KLHL25: variants seen among roughly 807,000 people sequenced by gnomAD.
KLHL25 encodes kelch-like protein 25.
A neutral mutation model predicts 30.0 loss-of-function variants in KLHL25; 41 were observed. The ratio of observed to expected loss-of-function variants is 1.37; its 90% CI spans 1.07 to 1.78. KLHL25 has a LOEUF of 1.78. Ranked by LOEUF, KLHL25 falls within the 40% of genes most tolerant of loss-of-function variation. The probability of loss-of-function intolerance (pLI) is 0.00; values close to 1 mark genes in which losing one functional copy is unlikely to be tolerated. For missense variants in KLHL25, 971 were observed against 824.5 expected, an observed-to-expected ratio of 1.18 and a Z score of -2.18; for synonymous variants, 399 against 355.3, an observed-to-expected ratio of 1.12 and a Z score of -1.38.
intron 1 of KLHL25, among the ~76,000 whole-genome samples, chr15:85,776,793 C>T (rs1567241089): frequency 6.6e-6 from 1 of 151,648 alleles, no homozygotes; most frequent in Admixed American, 6.6e-5. Context: ...GGTGTGGTGG[C>T]GGGTGCCTAT....
intron 1 of KLHL25, among the ~76,000 whole-genome samples, chr15:85,791,482 G>A (rs977218345): frequency 6.6e-5 from 10 of 152,174 alleles, no homozygotes; most frequent in African/African-American, 1.2e-4. Flanking sequence ...GCGACAGAGC[G>A]AGACTCCTTC....
chr15:85,769,267 TCTG>T lies in KLHL25; in HGVS notation c.541_543del (p.Gln181del). Reference sequence around the variant, plus strand: ...TTGGACAGGCTGTTGAAGTCCTCGCTCTGCCTCACCGTCTCAAAGTGCACCAGG... The same window carrying T: ...TTGGACAGGCTGTTGAAGTCCTCGCTCCTCACCGTCTCAAAGTGCACCAGG... On this transcript the variant is annotated inframe_deletion, in exon 2 of 3. Transcript: ENST00000337975. 6.2e-7 allele frequency: 1 copy of T among 1,613,928 alleles called. No individual in the cohort carries two copies. The highest frequency in any genetic ancestry group is 1.1e-5 in the South Asian group (1 of 91,080).
chr15:85,791,646 A>G (rs2089817876), intron 1 of KLHL25, among the ~76,000 whole-genome samples: 1 of 151,354 alleles, frequency 6.6e-6, no homozygotes, highest in South Asian at 2.1e-4. Context: ...CTGGGGACTC[A>G]GGGGAGGGCT....
chr15:85,780,252 C>T (rs959791616), intron 1 of KLHL25, among the ~76,000 whole-genome samples: 3 of 152,238 alleles, frequency 2.0e-5, no homozygotes, highest in Non-Finnish European at 2.9e-5. Flanking sequence ...GCTGTCACCA[C>T]AGAGGGGACA....
intron 1 of KLHL25, among the ~76,000 whole-genome samples, chr15:85,783,694 TAAAA>T (rs34688793): frequency 7.9e-4 from 108 of 136,398 alleles, no homozygotes; most frequent in Middle Eastern, 3.6e-3. Flanking sequence ...TCCACCTCAA[TAAAA>T]AAAAAAAAAA....
At position 85,768,127 on chromosome 15, in the gene KLHL25, A is replaced by C; in HGVS notation, c.1684T>G (p.Ser562Ala). The change falls in exon 2 of 3, where the codon TCA becomes GCA. Residue 562 changes from serine to alanine, a missense_variant. Transcript: ENST00000337975. ...GTGGTGATGCAGTTCCATGTATCTG[A>C]AGTGGGGTCATAGCAGTCCAGAGTC... is the stretch of plus-strand genomic sequence containing the variant. Reference protein sequence around the residue: ...CKTLDCYDPTSDTWNCITTVP... With the variant: ...CKTLDCYDPTADTWNCITTVP... 1.2e-6 allele frequency: 2 copies of C among 1,614,218 alleles called. No individual in the cohort carries two copies. Among genetic ancestry groups the C allele is most frequent in the Non-Finnish European group, 1.7e-6 (2 of 1,180,030 alleles).
In KLHL25 at chr15:85,769,693, G is replaced by A. The variant is rs772155808; in HGVS notation, c.118C>T (p.Arg40Cys). ...DCVLAHLNTL[R>C]KHCMFTDVTL... is the part of the protein sequence containing the mutation. ...ACGTCGGTGAACATGCAGTGCTTGC[G>A]AAGCGTGTTGAGGTGGGCCAGCACA... The change falls in exon 2 of 3, where the codon CGC (arginine) becomes TGC (cysteine). Residue 40 changes from arginine (R) to cysteine (C), a missense_variant. Physicochemically the swap from Arg to Cys is radical, Grantham distance 180 (BLOSUM62 -3). Coordinates refer to ENST00000337975, the MANE Select transcript of KLHL25 (RefSeq NM_022480.4). 6.2e-6 allele frequency: 10 copies of A among 1,613,950 alleles called. No homozygotes were observed. Among genetic ancestry groups the A allele is most frequent in the South Asian group, 3.3e-5 (3 of 91,090 alleles).
At chr15:85,790,016 A>T (rs768075846) in intron 1 of KLHL25, among the ~76,000 whole-genome samples, 2 of 152,214 alleles carry the variant, frequency 1.3e-5, no homozygotes, top group Non-Finnish European at 2.9e-5. Context: ...ACTAGATCCC[A>T]GAGAAAGTAA....
chr15:85,778,002 C>G (rs558272014), intron 1 of KLHL25, among the ~76,000 whole-genome samples: 1 of 152,222 alleles, frequency 6.6e-6, no homozygotes. Flanking sequence ...TTAATCAGGA[C>G]GGATGAGGTT....
intron 2 of KLHL25, among the ~76,000 whole-genome samples, chr15:85,766,378 C>T (rs775519490): frequency 3.3e-5 from 5 of 152,176 alleles, no homozygotes; most frequent in East Asian, 1.9e-4. Flanking sequence ...GCTAGTGGCA[C>T]GCACCCTGGC....
At chr15:85,772,789 C>T (rs1178368925) in intron 1 of KLHL25, among the ~76,000 whole-genome samples, 1 of 152,240 alleles carries the variant, frequency 6.6e-6, no homozygotes, top group Admixed American at 6.5e-5. Context: ...AACCCAGGGT[C>T]CCAGAGCTGA....
At position 85,768,639 on chromosome 15, in the gene KLHL25, T is replaced by A. The variant is rs763562956; in HGVS notation, c.1172A>T (p.Tyr391Phe). The A allele has an allele frequency of 6.2e-7, 1 of 1,612,996 alleles. No individual in the cohort carries two copies. Among genetic ancestry groups the A allele is most frequent in the Non-Finnish European group, 8.5e-7 (1 of 1,179,412 alleles). Reference protein sequence around the residue: ...HGSAELENCLYVVGGHTSLAG... With the variant: ...HGSAELENCLFVVGGHTSLAG... ...CAGGGATGTGTGTCCCCCCACCACATAGAGGCAGTTCTCCAGCTCAGCTGA... is the reference window on the plus strand; with the variant it reads ...CAGGGATGTGTGTCCCCCCACCACAAAGAGGCAGTTCTCCAGCTCAGCTGA... Residue 391 changes from tyrosine (Y) to phenylalanine (F), a missense_variant, in exon 2 of 3, where the codon TAT (tyrosine) becomes TTT (phenylalanine). Transcript: ENST00000337975.
At chr15:85,775,864 TAAAAAAA>T (rs10535328) in intron 1 of KLHL25, among the ~76,000 whole-genome samples, 5 of 89,062 alleles carry the variant, frequency 5.6e-5, no homozygotes, top group Admixed American at 2.6e-4. Flanking sequence ...ATGGCTCGTT[TAAAAAAA>T]AAAAAAAAAA....
chr15:85,770,435 C>G, intron 1 of KLHL25: 1 of 515,362 alleles, frequency 1.9e-6, no homozygotes, highest in Non-Finnish European at 4.0e-6. Context: ...TCCCAGCAGG[C>G]TCTGCCCTGG....
Position 85,789,698 on chromosome 15 carries a change from G to A in KLHL25, c.-11+5068C>T, listed in dbSNP as rs1291224528. ...CATCCTGGTGCTCCCACGAACTGCT[G>A]CCCAGCTCCCTGCCCACGACCAGTC... On this transcript the variant is annotated intron_variant, in intron 1 of 2. Coordinates refer to ENST00000337975, the MANE Select transcript of KLHL25 (RefSeq NM_022480.4). This position sits in a 1 kb window ranked among gnomAD's most constrained non-coding sequence, Gnocchi z 4.1. Among the ~76,000 whole-genome samples, 1 of 152,078 alleles carries A rather than the reference G, an allele frequency of 6.6e-6. No individual in the cohort carries two copies. The highest frequency in any genetic ancestry group is 6.6e-5 in the Admixed American group (1 of 15,260).
rs2089658495 is a variant in KLHL25, at chr15:85,769,811, G to C, written c.-1C>G. 1.9e-6 allele frequency: 3 copies of C among 1,603,908 alleles called. No individual in the cohort carries two copies. The East Asian group carries it at 6.7e-5, about 36-fold the overall frequency. On this transcript the variant is annotated 5_prime_UTR_variant, in exon 2 of 3. Coordinates refer to ENST00000337975, the MANE Select transcript of KLHL25 (RefSeq NM_022480.4). ...GGGTCTCATGGACACTGACCGACATGGTGCGTCAGCTTGTGGGGGAACAAG... is the reference window on the plus strand; with the variant it reads ...GGGTCTCATGGACACTGACCGACATCGTGCGTCAGCTTGTGGGGGAACAAG...
intron 1 of KLHL25, among the ~76,000 whole-genome samples, chr15:85,774,758 A>G (rs2089698661): frequency 6.6e-6 from 1 of 152,190 alleles, no homozygotes; most frequent in Non-Finnish European, 1.5e-5. Flanking sequence ...CAGCCTGCGT[A>G]GTACCCAGGC....
At chr15:85,788,671 C>T (rs531810284) in intron 1 of KLHL25, among the ~76,000 whole-genome samples, 4 of 152,326 alleles carry the variant, frequency 2.6e-5, no homozygotes, top group South Asian at 2.1e-4. Flanking sequence ...CCACATCAGA[C>T]GCTGAGCTCC....
At chr15:85,773,358 G>T (rs977848468) in intron 1 of KLHL25, among the ~76,000 whole-genome samples, 1 of 152,238 alleles carries the variant, frequency 6.6e-6, no homozygotes, top group Admixed American at 6.5e-5. Context: ...CAGAGGAGAG[G>T]AAGGCCGAGG....
Sources: allele counts gnomAD v4.1 joint callset (sites outside exome capture counted in the v4.1 genomes callset), GRCh38; gene constraint gnomAD v4.1.1; non-coding constraint Gnocchi (gnomAD v3.1); transcripts MANE v1.5; gene names NCBI Gene and HGNC (gene_info 2026-07-23, HGNC 2026-07-21).